Variants in DAB1 observed in about 807,000 individuals in gnomAD.
DAB1 encodes the protein disabled homolog 1.
Under a neutral mutation model 64.6 loss-of-function variants are expected in DAB1, and 15 were observed. That is an observed-to-expected ratio of 0.23 (90% CI 0.16 to 0.36). The LOEUF (loss-of-function observed/expected upper bound fraction) is 0.36, where lower values mean the gene tolerates loss of function less well. DAB1 is among the 10% of genes least tolerant of loss of function. The probability of loss-of-function intolerance (pLI) is 1.00; values close to 1 mark genes in which losing one functional copy is unlikely to be tolerated. For synonymous variants in DAB1, 235 were observed against 251.9 expected, an observed-to-expected ratio of 0.93 and a Z score of 0.64; for missense variants, 596 against 706.7, an observed-to-expected ratio of 0.84 and a Z score of 1.78.
chr1:57,057,633 A>T (rs1649914772), intron 9 of DAB1, among the ~76,000 whole-genome samples: 1 of 144,534 alleles, frequency 6.9e-6, no homozygotes, highest in Non-Finnish European at 1.5e-5. Context: ...TTGGAGACAG[A>T]GTCTCGTTCT....
intron 5 of DAB1, among the ~76,000 whole-genome samples, chr1:58,038,887 T>G (rs886956680): frequency 8.5e-5 from 13 of 152,188 alleles, no homozygotes; most frequent in African/African-American, 2.7e-4. Flanking sequence ...CTTCAACGCT[T>G]AATTTCAGTG....
chr1:58,279,429 G>A (rs1661507863), intron 4 of DAB1, among the ~76,000 whole-genome samples: 1 of 152,208 alleles, frequency 6.6e-6, no homozygotes, highest in Non-Finnish European at 1.5e-5. Context: ...CTGGGTGGAA[G>A]AAGGAAAGAG....
intron 2 of DAB1, among the ~76,000 whole-genome samples, chr1:57,290,548 G>C (rs79341109): frequency 6.6e-6 from 1 of 152,148 alleles, no homozygotes; most frequent in African/African-American, 2.4e-5. Context: ...GGGAAGGGGG[G>C]TGGTTAGGCA....
chr1:58,050,865 A>G (rs1263631938), intron 5 of DAB1, among the ~76,000 whole-genome samples: 7 of 152,228 alleles, frequency 4.6e-5, no homozygotes, highest in African/African-American at 1.7e-4. Context: ...ACAGTGGCAC[A>G]TGGCTGATAG....
intron 3 of DAB1, among the ~76,000 whole-genome samples, chr1:58,407,415 G>A (rs956985367): frequency 1.1e-4 from 16 of 152,168 alleles, no homozygotes; most frequent in Admixed American, 6.5e-4. Flanking sequence ...TTGTTAGCAT[G>A]GATGGATATT....
chr1:58,332,873 T>C (rs1028232586), intron 4 of DAB1, among the ~76,000 whole-genome samples: 3 of 152,142 alleles, frequency 2.0e-5, no homozygotes, highest in Non-Finnish European at 4.4e-5. Flanking sequence ...GGATCCTAAA[T>C]CTGTTTAGCT....
intron 5 of DAB1, among the ~76,000 whole-genome samples, chr1:57,931,327 A>G (rs962783112): frequency 1.3e-5 from 2 of 152,112 alleles, no homozygotes; most frequent in East Asian, 1.9e-4. Flanking sequence ...TTTTCTTGTA[A>G]TCTCTTTGTC....
chr1:57,507,264 C>T lies in DAB1; in HGVS notation n.625+142328G>A, dbSNP rs551119827. On this transcript the variant is annotated intron_variant and non_coding_transcript_variant, in intron 7 of 20. Coordinates refer to the DAB1 transcript ENST00000485760. ...TCCACTCATTACTGCATGCATGTGC[C>T]GTCTCTGATTATGGAGCTCTGCTCA... Among the ~76,000 whole-genome samples the T allele has an allele frequency of 2.1e-4, 32 of 152,250 alleles. No homozygotes were observed. The East Asian group carries it at 2.7e-3, about 13-fold the overall frequency.
intron 1 of DAB1, among the ~76,000 whole-genome samples, chr1:57,879,159 T>A (rs1018021691): frequency 1.3e-5 from 2 of 152,194 alleles, no homozygotes; most frequent in Admixed American, 1.3e-4. Flanking sequence ...TTCATCTATG[T>A]CATTTTTGTC....
At chr1:58,245,838 A>G (rs1459471217) in intron 4 of DAB1, among the ~76,000 whole-genome samples, 3 of 152,222 alleles carry the variant, frequency 2.0e-5, no homozygotes, top group African/African-American at 7.2e-5. Context: ...TTATTTAAGT[A>G]TAAACAGAAC....
intron 6 of DAB1, among the ~76,000 whole-genome samples, chr1:57,751,936 G>A (rs1004797968): frequency 1.3e-5 from 2 of 152,204 alleles, no homozygotes; most frequent in African/African-American, 4.8e-5. Context: ...AGAAATTCAC[G>A]GTGTTCAGGA....
chr1:57,553,384 G>GAGAAAGAAAGAAAGAAAGAAAGAAAGAA (rs775593744), intron 7 of DAB1, among the ~76,000 whole-genome samples: 1 of 6,952 alleles, frequency 1.4e-4, no homozygotes, highest in African/African-American at 1.8e-4. Flanking sequence ...AAGGAAGAAA[G>GAGAAAGAAAGAAAGAAAGAAAGAAAGAA]AGAAAGAAAG....
intron 5 of DAB1, among the ~76,000 whole-genome samples, chr1:58,036,658 G>A (rs1185111620): frequency 6.6e-6 from 1 of 152,120 alleles, no homozygotes; most frequent in Non-Finnish European, 1.5e-5. Flanking sequence ...CCCAGCATAT[G>A]ATAAAACAGT....
At chr1:57,566,322 A>T (rs1168904282) in intron 7 of DAB1, among the ~76,000 whole-genome samples, 1 of 152,236 alleles carries the variant, frequency 6.6e-6, no homozygotes, top group Non-Finnish European at 1.5e-5. Context: ...AAGAGAAAGG[A>T]GGAAAGATCT....
At chr1:57,522,166 G>A (rs950529625) in intron 7 of DAB1, among the ~76,000 whole-genome samples, 2 of 152,064 alleles carry the variant, frequency 1.3e-5, no homozygotes, top group Non-Finnish European at 2.9e-5. Flanking sequence ...GTATTTGGAG[G>A]CACTAGATTC....
At chr1:57,954,730 A>C (rs532230010) in intron 5 of DAB1, among the ~76,000 whole-genome samples, 18 of 152,212 alleles carry the variant, frequency 1.2e-4, no homozygotes, top group Non-Finnish European at 2.1e-4. Flanking sequence ...GTCTGACTCC[A>C]ACTGACCAGG....
At chr1:57,879,558 C>T (rs1644109891) in intron 1 of DAB1, among the ~76,000 whole-genome samples, 1 of 152,126 alleles carries the variant, frequency 6.6e-6, no homozygotes, top group African/African-American at 2.4e-5. Context: ...TGTATCTAGC[C>T]ATTAATCTGT....
At chr1:58,015,455 C>T (rs1646725392) in intron 5 of DAB1, among the ~76,000 whole-genome samples, 1 of 152,138 alleles carries the variant, frequency 6.6e-6, no homozygotes, top group Non-Finnish European at 1.5e-5. Flanking sequence ...AGCTGTACTT[C>T]TGATTATGCT....
intron 3 of DAB1, among the ~76,000 whole-genome samples, chr1:58,415,024 C>A (rs892448358): frequency 1.3e-5 from 2 of 152,096 alleles, no homozygotes; most frequent in Non-Finnish European, 1.5e-5. Flanking sequence ...CTGTTGAAGC[C>A]TTAACCCCTA....
Sources: gnomAD v4.1 joint callset for allele counts (sites outside exome capture counted in the v4.1 genomes callset) on GRCh38, gnomAD v4.1.1 for gene constraint, MANE v1.5 for transcripts, NCBI Gene and HGNC (gene_info 2026-07-23, HGNC 2026-07-21) for gene names.